MACF1: variants seen among roughly 807,000 people sequenced by gnomAD.
MACF1 encodes microtubule-actin cross-linking factor 1.
Under a neutral mutation model 854.8 loss-of-function variants are expected in MACF1, and 193 were observed. That is an observed-to-expected ratio of 0.23 (90% confidence interval 0.20 to 0.25). The LOEUF is 0.25. Among genes scored for constraint, MACF1 ranks in the 10% least tolerant of loss-of-function variants. The probability of loss-of-function intolerance (pLI) is 1.00; values close to 1 mark genes in which losing one functional copy is unlikely to be tolerated. For synonymous variants in MACF1, 3,185 were observed against 3,226.7 expected, an observed-to-expected ratio of 0.99 and a Z score of 0.44; for missense variants, 7,722 against 8,929.1, an observed-to-expected ratio of 0.86 and a Z score of 5.45.
rs1392891651 is a variant in MACF1 at position 39,283,196 on chromosome 1, C to T, written c.703C>T (p.Leu235=). The change falls in exon 8 of 101, where the codon CTA becomes TTA. Residue 235 remains leucine, a synonymous_variant. Transcript: ENST00000564288. This position sits in a 1 kb window ranked among gnomAD's most constrained non-coding sequence, Gnocchi z 4.5. ...NALIHRYRPD[L]VDMERVQIQS... ...CTTGCTGGACTTTTACAGACCCGAT[C>T]TAGTAGACATGGAGAGGGTGCAAAT... The T allele has an allele frequency of 6.2e-7, 1 of 1,609,128 alleles. No individual in the cohort carries two copies. The highest frequency in any genetic ancestry group is 1.3e-5 in the African/African-American group (1 of 74,942).
intron 2 of MACF1, among the ~76,000 whole-genome samples, chr1:39,120,311 C>T (rs1018521445): frequency 6.6e-6 from 1 of 152,130 alleles, no homozygotes; most frequent in African/African-American, 2.4e-5. Flanking sequence ...TCACCTGACT[C>T]CTGGAACTCC....
At chr1:39,394,246 G>T (rs1205813539) in intron 58 of MACF1, among the ~76,000 whole-genome samples, 5 of 145,762 alleles carry the variant, frequency 3.4e-5, no homozygotes, top group African/African-American at 1.3e-4. Context: ...TCATTTGATT[G>T]ATTGATTGAT....
At chr1:39,298,639 A>T (rs1467625756) in intron 21 of MACF1, 2 of 433,988 alleles carry the variant, frequency 4.6e-6, no homozygotes, top group African/African-American at 2.1e-5. Context: ...AAGTTTTTTT[A>T]TTTTTATTTT....
intron 1 of MACF1, among the ~76,000 whole-genome samples, chr1:39,219,362 A>G (rs1022837763): frequency 6.6e-6 from 1 of 152,200 alleles, no homozygotes; most frequent in Non-Finnish European, 1.5e-5. Context: ...CTTTGGGAAG[A>G]TTACTAACAA....
At chr1:39,297,793 A>G in intron 21 of MACF1, 48 bp downstream of exon 21, 1 of 1,603,676 alleles carries the variant, frequency 6.2e-7, no homozygotes, top group South Asian at 1.1e-5. Context: ...AAGAGAGTAA[A>G]CCATATCAGC....
Position 39,350,888 on chromosome 1 carries a change from A to G in MACF1, c.11069A>G (p.Glu3690Gly). 1 of 1,614,112 alleles carries G rather than the reference A, an allele frequency of 6.2e-7. No homozygotes were observed. The change falls in exon 43 of 101, where the codon GAG (glutamate) becomes GGG (glycine). Residue 3690 changes from glutamate (E) to glycine (G), a missense_variant. Glu to Gly is a moderately conservative substitution (Grantham distance 98). Coordinates refer to ENST00000564288, the MANE Select transcript of MACF1 (RefSeq NM_001394062.1). ...AATCAGACCAAGCTGAGCCCACGTGAGTTGACAGCTCTTCGGGAAAAGCTT... is the reference window on the plus strand; with the variant it reads ...AATCAGACCAAGCTGAGCCCACGTGGGTTGACAGCTCTTCGGGAAAAGCTT... ...EENQTKLSPRELTALREKLHQ... is the reference protein window; with the variant it reads ...EENQTKLSPRGLTALREKLHQ...
intron 2 of MACF1, chr1:39,102,746 T>C (rs750959591): frequency 1.1e-5 from 8 of 702,346 alleles, no homozygotes; most frequent in South Asian, 7.4e-5. Flanking sequence ...ATTGCAGCCT[T>C]CTTAGAAATG....
chr1:39,327,312 C>A lies in MACF1; in HGVS notation c.4573C>A (p.Gln1525Lys). 1.2e-6 allele frequency: 2 copies of A among 1,607,098 alleles called. No individual in the cohort carries two copies. Among genetic ancestry groups the A allele is most frequent in the Non-Finnish European group, 1.7e-6 (2 of 1,174,386 alleles). The change falls in exon 36 of 101, where the codon CAG becomes AAG. Residue 1525 changes from glutamine to lysine, a missense_variant. By Grantham distance (53) the Gln-to-Lys change is moderately conservative. This residue lies in a region of MACF1 where 1,531 missense variants were observed against 1,601.6 expected (regional missense o/e 0.96). Transcript: ENST00000564288. ...DLCDGSANQL[Q>K]QLQSQLAHQT... ...TTGTGATGGTTCTGCAAATCAGCTT[C>A]AGCAGCTTCAGAGCCAGTTGGCTCA...
chr1:39,223,535 A>G (rs1477618066), intron 1 of MACF1, among the ~76,000 whole-genome samples: 5 of 151,130 alleles, frequency 3.3e-5, no homozygotes, highest in Admixed American at 2.0e-4. Context: ...TTTTTTTAAG[A>G]CAGAATCTCA....
At chr1:39,115,131 C>T (rs1011014225) in intron 2 of MACF1, among the ~76,000 whole-genome samples, 3 of 152,050 alleles carry the variant, frequency 2.0e-5, no homozygotes, top group Non-Finnish European at 4.4e-5. Context: ...TTTTGGGAGC[C>T]ATTGAATAAA....
chr1:39,345,930 A>G (rs1647036328), intron 40 of MACF1, among the ~76,000 whole-genome samples: 1 of 152,154 alleles, frequency 6.6e-6, no homozygotes, highest in Non-Finnish European at 1.5e-5. Context: ...TTAGCCAGGC[A>G]TGGTGGTGAG....
intron 2 of MACF1, among the ~76,000 whole-genome samples, chr1:39,179,701 T>C (rs964346090): frequency 6.6e-6 from 1 of 152,168 alleles, no homozygotes; most frequent in African/African-American, 2.4e-5. Flanking sequence ...GTGCTAATTG[T>C]ATAGTTTATA....
intron 38 of MACF1, among the ~76,000 whole-genome samples, chr1:39,338,753 G>A (rs995191240): frequency 3.3e-5 from 5 of 152,278 alleles, no homozygotes; most frequent in African/African-American, 9.6e-5. Context: ...CCTTGCTCCC[G>A]CTATGGTTTG....
chr1:39,088,774 G>T (rs1641736633), intron 2 of MACF1, among the ~76,000 whole-genome samples: 1 of 152,204 alleles, frequency 6.6e-6, no homozygotes. Context: ...GCAAGACAGG[G>T]TGTCACATGG....
intron 73 of MACF1, 26 bp downstream of exon 73, chr1:39,441,151 A>C: frequency 6.2e-7 from 1 of 1,614,206 alleles, no homozygotes; most frequent in Non-Finnish European, 8.5e-7. Flanking sequence ...TGAGGCACTC[A>C]GTTAGAACAT....
intron 1 of MACF1, among the ~76,000 whole-genome samples, chr1:39,217,882 C>CA (rs751580827): frequency 0.33 from 32,855 of 99,876 alleles, 4,690 homozygotes; most frequent in Middle Eastern, 0.44. Flanking sequence ...GACCCTGTCT[C>CA]AAAAAAAAAA....
At chr1:39,120,318 C>G (rs754368400) in intron 2 of MACF1, among the ~76,000 whole-genome samples, 1 of 152,146 alleles carries the variant, frequency 6.6e-6, no homozygotes, top group Non-Finnish European at 1.5e-5. Flanking sequence ...ACTCCTGGAA[C>G]TCCCTGTTAT....
intron 2 of MACF1, among the ~76,000 whole-genome samples, chr1:39,121,579 G>A (rs1186971990): frequency 1.3e-5 from 2 of 152,128 alleles, no homozygotes; most frequent in Admixed American, 1.3e-4. Flanking sequence ...CTGCTGAGTA[G>A]CTGGGACTAG....
At chr1:39,260,531 A>AT (rs1026422513) in intron 6 of MACF1, 1 of 151,748 alleles carries the variant, frequency 6.6e-6, no homozygotes, top group African/African-American at 2.4e-5. Context: ...CGCTCAGCTA[A>AT]TTTTTTTATT....
Sources: allele counts gnomAD v4.1 joint callset (sites outside exome capture counted in the v4.1 genomes callset), GRCh38; gene constraint gnomAD v4.1.1; regional missense constraint gnomAD v4.1.1; non-coding constraint Gnocchi (gnomAD v3.1); transcripts MANE v1.5; gene names NCBI Gene and HGNC (gene_info 2026-07-23, HGNC 2026-07-21).